The following INSL6 variants were observed in gnomAD, a reference collection of about 807,000 sequenced individuals.
INSL6 encodes insulin-like peptide INSL6.
INSL6 carries 16 observed loss-of-function variants against 9.4 expected under a neutral mutation model. The ratio of observed to expected loss-of-function variants is 1.70; its 90% CI spans 1.15 to 2.59. INSL6 has a LOEUF of 2.59. Among genes scored for constraint, INSL6 ranks in the 30% most tolerant of loss-of-function variants. The probability of loss-of-function intolerance (pLI) is 0.00; values close to 1 mark genes in which losing one functional copy is unlikely to be tolerated. For missense variants in INSL6, 391 were observed against 257.3 expected (o/e 1.52, Z -3.56); for synonymous variants, 154 against 96.9 (o/e 1.59, Z -3.46).
rs550915336 is a variant in INSL6 at position 5,131,435 on chromosome 9, A to ATTTTTTTTTTTTTTTTTTTTTTTTTTTT, written c.*10+1989_*10+1990insAAAAAAAAAAAAAAAAAAAAAAAAAAAA. ...AATTCTTTAACACCACCAGTTAACA[A>ATTTTTTTTTTTTTTTTTTTTTTTTTTTT]TTTTTTTTTTTTTTTTTTTGAGACA... On this transcript the variant is annotated intron_variant, in intron 3 of 3. Coordinates refer to the INSL6 transcript ENST00000649639. Among the ~76,000 whole-genome samples, 29 of 115,828 alleles carry ATTTTTTTTTTTTTTTTTTTTTTTTTTTT rather than the reference A, an allele frequency of 2.5e-4. 3 individuals carry two copies. The highest frequency in any genetic ancestry group is 1.1e-3 in the African/African-American group (28 of 24,950). 76.0% of individuals were successfully genotyped at this position (115,828 alleles called of 152,430 possible).
the INSL6 span, among the ~76,000 whole-genome samples, chr9:5,083,958 C>T: frequency 6.6e-6 from 1 of 151,842 alleles, no homozygotes; most frequent in Admixed American, 6.6e-5. Context: ...TCAAGATTTT[C>T]CCATTATTAA....
chr9:5,130,701 CTTTTTT>C (rs780200169), intron 3 of INSL6, among the ~76,000 whole-genome samples: 19 of 150,462 alleles, frequency 1.3e-4, no homozygotes, highest in Non-Finnish European at 2.8e-4. Context: ...TATGAATTTT[CTTTTTT>C]TTATTTTTTT....
downstream of INSL6, among the ~76,000 whole-genome samples, chr9:5,161,138 A>C (rs1824917894): frequency 6.6e-6 from 1 of 152,206 alleles, no homozygotes; most frequent in Admixed American, 6.5e-5. Flanking sequence ...TCAAAAAAGG[A>C]AAACTACAGG....
At chr9:5,127,144 C>G (rs982448103) in intron 3 of INSL6, 9 of 266,952 alleles carry the variant, frequency 3.4e-5, no homozygotes, top group South Asian at 2.9e-4. Context: ...TAAAGATGCA[C>G]AGAATATGTA....
intron 2 of INSL6, among the ~76,000 whole-genome samples, chr9:5,150,242 C>T (rs1424533330): frequency 7.4e-6 from 1 of 135,352 alleles, no homozygotes; most frequent in Non-Finnish European, 1.6e-5. Context: ...CAACAAAATA[C>T]AAATAAGACA....
downstream of INSL6, among the ~76,000 whole-genome samples, chr9:5,160,040 G>C (rs556222144): frequency 1.3e-5 from 2 of 152,090 alleles, no homozygotes; most frequent in African/African-American, 4.8e-5. Context: ...GCCAGGTGTG[G>C]TTGTGGGTGC....
downstream of INSL6, among the ~76,000 whole-genome samples, chr9:5,121,387 G>A (rs887456938): frequency 6.6e-6 from 1 of 152,118 alleles, no homozygotes; most frequent in Non-Finnish European, 1.5e-5. Context: ...TGCCACATAC[G>A]TAGTTTATTC....
the INSL6 span, chr9:5,041,476 G>T: frequency 1.7e-6 from 1 of 599,390 alleles, no homozygotes; most frequent in African/African-American, 1.8e-5. Context: ...AGGCTGACAC[G>T]ATCATGAGCG....
the INSL6 span, among the ~76,000 whole-genome samples, chr9:5,010,768 G>T: frequency 6.6e-6 from 1 of 152,070 alleles, no homozygotes; most frequent in Non-Finnish European, 1.5e-5. Context: ...TTCTTTATCA[G>T]TTCTTGAGTG....
At chr9:5,106,944 T>C in the INSL6 span, among the ~76,000 whole-genome samples, 1 of 152,170 alleles carries the variant, frequency 6.6e-6, no homozygotes, top group East Asian at 1.9e-4. Flanking sequence ...GACGAGTTAA[T>C]GGGTGCTGCA....
At chr9:5,114,190 G>A in the INSL6 span, 3 of 463,932 alleles carry the variant, frequency 6.5e-6, no homozygotes, top group Non-Finnish European at 4.3e-6. Flanking sequence ...CAAGGGGTGA[G>A]CACCTACCTG....
chr9:5,179,648 G>A (rs532247896), intron 1 of INSL6, among the ~76,000 whole-genome samples: 1 of 152,312 alleles, frequency 6.6e-6, no homozygotes, highest in Admixed American at 6.5e-5. Context: ...CATACACCAT[G>A]GAATACTATG....
chr9:5,013,308 A>T, the INSL6 span, among the ~76,000 whole-genome samples: 1 of 152,364 alleles, frequency 6.6e-6, no homozygotes, highest in Non-Finnish European at 1.5e-5. Flanking sequence ...AAAGTAGTAT[A>T]GGAATAATTG....
chr9:5,041,841 G>A, the INSL6 span: 1 of 475,514 alleles, frequency 2.1e-6, no homozygotes, highest in Non-Finnish European at 4.2e-6. Flanking sequence ...CACCAATGGG[G>A]AGCTGAACGC....
At chr9:5,028,811 C>T in the INSL6 span, among the ~76,000 whole-genome samples, 1 of 152,148 alleles carries the variant, frequency 6.6e-6, no homozygotes, top group South Asian at 2.1e-4. Context: ...TCTCAGCCTT[C>T]ACAGGTTTGA....
At chr9:4,993,082 C>G in the INSL6 span, among the ~76,000 whole-genome samples, 21,469 of 152,156 alleles carry the variant, frequency 0.14, 3,797 homozygotes, top group African/African-American at 0.42. Flanking sequence ...CTGTCCCTTT[C>G]ATTCCAAGCT....
At chr9:5,111,950 G>C in the INSL6 span, 3 of 347,342 alleles carry the variant, frequency 8.6e-6, no homozygotes, top group Non-Finnish European at 1.1e-5. Flanking sequence ...GCAATAACTT[G>C]TGGTCCAGCC....
chr9:5,182,499 T>G (rs1207199026), intron 1 of INSL6, among the ~76,000 whole-genome samples: 1 of 152,110 alleles, frequency 6.6e-6, no homozygotes, highest in African/African-American at 2.4e-5. Context: ...GTAGGCTTCA[T>G]GAGGGTAGGA....
chr9:5,022,347 T>C, the INSL6 span: 2 of 589,960 alleles, frequency 3.4e-6, no homozygotes, highest in African/African-American at 1.9e-5. Context: ...TGTTTTCACA[T>C]GCATAGAAAA....
Sources: allele counts gnomAD v4.1 joint callset (sites outside exome capture counted in the v4.1 genomes callset), GRCh38; gene constraint gnomAD v4.1.1; transcripts MANE v1.5; gene names NCBI Gene and HGNC (gene_info 2026-07-23, HGNC 2026-07-21).